ARFGEF1: variants seen among roughly 807,000 people sequenced by gnomAD.
ARFGEF1 encodes the protein ARF guanine nucleotide exchange factor 1, also known as brefeldin A-inhibited guanine nucleotide-exchange protein 1.
Under a neutral mutation model 231.0 loss-of-function variants are expected in ARFGEF1, and 42 were observed. The ratio of observed to expected loss-of-function variants is 0.18; its 90% confidence interval spans 0.14 to 0.24. The LOEUF is 0.24. Ranked by LOEUF, ARFGEF1 falls within the 10% of genes least tolerant of loss-of-function variation. ARFGEF1 has a pLI of 1.00. For missense variants in ARFGEF1, 1,345 were observed against 2,192.0 expected (o/e 0.61, Z 7.72); for synonymous variants, 710 against 732.3 (o/e 0.97, Z 0.49).
intron 1 of ARFGEF1, among the ~76,000 whole-genome samples, chr8:67,312,203 C>T (rs1469732545): frequency 6.6e-6 from 1 of 151,198 alleles, no homozygotes; most frequent in Non-Finnish European, 1.5e-5. Context: ...GCCAAATCCC[C>T]CTCTGTGAGA....
intron 19 of ARFGEF1, among the ~76,000 whole-genome samples, chr8:67,245,684 A>G (rs570952599): frequency 5.3e-5 from 8 of 150,302 alleles, no homozygotes; most frequent in Non-Finnish European, 1.2e-4. Flanking sequence ...GGAAAGAAGG[A>G]AAGAAAGAAG....
intron 6 of ARFGEF1, among the ~76,000 whole-genome samples, chr8:67,291,235 CAGAG>C (rs1376687762): frequency 1.3e-5 from 2 of 152,144 alleles, no homozygotes; most frequent in East Asian, 3.9e-4. Context: ...ATTATTTTTA[CAGAG>C]AAACAAATTT....
intron 7 of ARFGEF1, among the ~76,000 whole-genome samples, chr8:67,277,745 T>C (rs1389731300): frequency 1.3e-5 from 2 of 152,208 alleles, no homozygotes; most frequent in African/African-American, 2.4e-5. Flanking sequence ...TAGCATTTAC[T>C]GAACTGGGTT....
chr8:67,333,321 C>T (rs1464107836), intron 1 of ARFGEF1, among the ~76,000 whole-genome samples: 1 of 148,796 alleles, frequency 6.7e-6, no homozygotes, highest in East Asian at 2.0e-4. Flanking sequence ...GCATGAGCCA[C>T]CATGCCTGGC....
chr8:67,204,965 A>G (rs1259165245), intron 34 of ARFGEF1, 146 bp from the exon 35 acceptor site: 3 of 918,338 alleles, frequency 3.3e-6, no homozygotes, highest in Non-Finnish European at 4.8e-6. Flanking sequence ...GCACACAGGC[A>G]CTACTCAGTA....
intron 33 of ARFGEF1, among the ~76,000 whole-genome samples, chr8:67,212,623 CAGG>C (rs1480460059): frequency 1.3e-5 from 2 of 152,164 alleles, no homozygotes; most frequent in African/African-American, 4.8e-5. Context: ...AACCTGGTTT[CAGG>C]AGGAGTGCTT....
intron 14 of ARFGEF1, 62 bp downstream of exon 14, chr8:67,265,944 G>C (rs1193620157): frequency 4.7e-6 from 7 of 1,501,222 alleles, no homozygotes; most frequent in Non-Finnish European, 6.5e-6. Context: ...CCCACGGCAG[G>C]GGTGGCACTA....
rs1840523418 is a variant in ARFGEF1, at chr8:67,258,272, G to A, written c.2254C>T (p.Leu752=). ...TTGTTAAATTTATCATTATCTCCCA[G>A]GAACTCACCCACTTGAGTCTAAAGT... The part of the protein sequence containing the change: ...RLDSTQVGEF[L]GDNDKFNKEV... Residue 752 remains leucine, a synonymous_variant, in exon 16 of 39, where the codon CTG becomes TTG. Transcript: ENST00000262215. 1 of 1,599,612 alleles carries A rather than the reference G, an allele frequency of 6.3e-7. No individual in the cohort carries two copies. The highest frequency in any genetic ancestry group is 8.6e-7 in the Non-Finnish European group (1 of 1,168,482).
intron 1 of ARFGEF1, among the ~76,000 whole-genome samples, chr8:67,339,040 G>A (rs1231767476): frequency 1.3e-5 from 2 of 152,126 alleles, no homozygotes; most frequent in Admixed American, 6.5e-5. Flanking sequence ...GGGATTAAAG[G>A]GGCAGAAGGA....
rs1554626038 is a variant in ARFGEF1 at position 67,192,074 on chromosome 8, T to TTG, written c.560+8321_560+8322insCA. Among the ~76,000 whole-genome samples the TTG allele has an allele frequency of 1.3e-4, 19 of 144,070 alleles. No homozygotes were observed. In the South Asian group the frequency reaches 1.8e-3, roughly 14 times the overall value. The allele number at this position is 144,070 out of a possible 152,430, so 94.5% of individuals were successfully genotyped here. On this transcript the variant is annotated intron_variant, in intron 5 of 5. Coordinates refer to the ARFGEF1 transcript ENST00000518789. ...AAATCCTTTGCTGATTTGTTTTTTT[T>TTG]TTTGTTTTTTTTTTTTGATACAGAG...
chr8:67,204,554 G>GTTT, intron 35 of ARFGEF1, 126 bp downstream of exon 35: 1 of 1,175,994 alleles, frequency 8.5e-7, no homozygotes, highest in South Asian at 1.7e-5. Flanking sequence ...CAGTCTCATG[G>GTTT]TTTAAAAGGA....
chr8:67,257,595 C>T (rs1840502015), intron 17 of ARFGEF1, 137 bp downstream of exon 17: 3 of 670,438 alleles, frequency 4.5e-6, no homozygotes, highest in Non-Finnish European at 7.7e-6. Flanking sequence ...AAATGTTCAC[C>T]ATCCCAAATT....
chr8:67,259,652 C>T (rs570459044), intron 15 of ARFGEF1, among the ~76,000 whole-genome samples, 163 bp downstream of exon 15: 3 of 152,254 alleles, frequency 2.0e-5, no homozygotes, highest in African/African-American at 4.8e-5. Context: ...TGGTGGCTCA[C>T]GCCTGTAATC....
chr8:67,301,905 G>C (rs960648994), intron 2 of ARFGEF1, among the ~76,000 whole-genome samples: 1 of 152,096 alleles, frequency 6.6e-6, no homozygotes, highest in African/African-American at 2.4e-5. Flanking sequence ...GAATCTTTTT[G>C]TATTTTTAAG....
chr8:67,308,606 C>T (rs1203121092), intron 1 of ARFGEF1, among the ~76,000 whole-genome samples: 2 of 152,190 alleles, frequency 1.3e-5, no homozygotes, highest in African/African-American at 4.8e-5. Context: ...TCCACAGCCT[C>T]AGCCTCTTGC....
chr8:67,288,065 G>A lies in ARFGEF1; in HGVS notation c.917C>T (p.Thr306Ile). 1 of 1,564,836 alleles carries A rather than the reference G, an allele frequency of 6.4e-7. No individual in the cohort carries two copies. Among genetic ancestry groups the A allele is most frequent in the Non-Finnish European group, 8.6e-7 (1 of 1,158,010 alleles). Residue 306 changes from threonine (T) to isoleucine (I), a missense_variant and splice_region_variant, in exon 7 of 39, where the codon ACA (threonine) becomes ATA (isoleucine). By Grantham distance (89) the Thr-to-Ile change is moderately conservative (BLOSUM62 -1). Coordinates refer to ENST00000262215, the MANE Select transcript of ARFGEF1 (RefSeq NM_006421.5). ...TEADQATAAE[T>I]LSKNEVLYDG... ...ATATAACACTTCATTTTTAGATAAT[G>A]CTTTAAAAGAAGAAAAATTCAACAG...
chr8:67,309,223 A>T (rs1427103686), intron 1 of ARFGEF1, among the ~76,000 whole-genome samples: 1 of 152,210 alleles, frequency 6.6e-6, no homozygotes, highest in Non-Finnish European at 1.5e-5. Flanking sequence ...AAACTCATAG[A>T]AGTAGAGTAG....
downstream of ARFGEF1, among the ~76,000 whole-genome samples, chr8:67,194,597 ACT>A (rs1027506360): frequency 6.6e-6 from 1 of 152,076 alleles, no homozygotes; most frequent in Non-Finnish European, 1.5e-5. Context: ...TAATGTCTAC[ACT>A]GTTTTTTAAC....
Position 67,179,874 on chromosome 8 carries a change from C to T in ARFGEF1, c.561-4302G>A, listed in dbSNP as rs781562422. On this transcript the variant is annotated intron_variant, in intron 5 of 5. Transcript: ENST00000518789. ...CATGTTTCTTTTAGCCCAGAGATGA[C>T]ACTAGTGATTTCTTGAAAAACTCAT... 3.8e-6 allele frequency: 6 copies of T among 1,595,708 alleles called. No homozygotes were observed. Among genetic ancestry groups the T allele is most frequent in the Non-Finnish European group, 5.2e-6 (6 of 1,164,530 alleles).
Sources: gnomAD v4.1 joint callset for allele counts (sites outside exome capture counted in the v4.1 genomes callset) on GRCh38, gnomAD v4.1.1 for gene constraint, MANE v1.5 for transcripts, NCBI Gene and HGNC (gene_info 2026-07-23, HGNC 2026-07-21) for gene names.